EXT1: variants seen among roughly 807,000 people sequenced by gnomAD.
The protein encoded by EXT1 is exostosin-1.
Under a neutral mutation model 82.5 loss-of-function variants are expected in EXT1, and 20 were observed. The ratio of observed to expected loss-of-function variants is 0.24; its 90% CI spans 0.17 to 0.35. The LOEUF is 0.35. EXT1 is among the 10% of genes least tolerant of loss of function. EXT1 has a pLI of 1.00. For synonymous variants in EXT1, 348 were observed against 350.8 expected (o/e 0.99, Z 0.09); for missense variants, 757 against 936.5 (o/e 0.81, Z 2.50).
chr8:117,993,148 C>A (rs1184321541), intron 1 of EXT1, among the ~76,000 whole-genome samples: 1 of 152,148 alleles, frequency 6.6e-6, no homozygotes, highest in Non-Finnish European at 1.5e-5. Flanking sequence ...ACATTTCTTT[C>A]TTTTTCCTTC....
chr8:118,109,442 A>AATGC (rs66559930), intron 1 of EXT1, among the ~76,000 whole-genome samples: 33 of 150,444 alleles, frequency 2.2e-4, no homozygotes, highest in Non-Finnish European at 3.7e-4. Context: ...TGAATGAATG[A>AATGC]ATGCATGCAT....
chr8:117,843,783 T>C (rs1316585056), intron 1 of EXT1, among the ~76,000 whole-genome samples: 1 of 152,094 alleles, frequency 6.6e-6, no homozygotes, highest in African/African-American at 2.4e-5. Context: ...CAAAAACCCT[T>C]CCAATGCAGG....
chr8:118,019,893 C>A (rs527741179), intron 1 of EXT1, among the ~76,000 whole-genome samples: 1 of 152,266 alleles, frequency 6.6e-6, no homozygotes, highest in South Asian at 2.1e-4. Flanking sequence ...AATAACCAAG[C>A]AATAAACCCA....
At chr8:117,864,358 G>T (rs527244946) in intron 1 of EXT1, among the ~76,000 whole-genome samples, 1 of 152,104 alleles carries the variant, frequency 6.6e-6, no homozygotes, top group Admixed American at 6.5e-5. Flanking sequence ...CTAGACCAGG[G>T]TGTCCAATCT....
At chr8:117,873,690 A>G (rs1166777057) in intron 1 of EXT1, among the ~76,000 whole-genome samples, 2 of 152,144 alleles carry the variant, frequency 1.3e-5, no homozygotes, top group Non-Finnish European at 2.9e-5. Context: ...TCCTGGCCTC[A>G]TGTGATCTGC....
chr8:118,031,733 T>G (rs1369658377), intron 1 of EXT1, among the ~76,000 whole-genome samples: 1 of 151,870 alleles, frequency 6.6e-6, no homozygotes. Flanking sequence ...TTCATCTCCC[T>G]CCATACCTGC....
intron 1 of EXT1, among the ~76,000 whole-genome samples, chr8:118,043,840 A>G (rs1211513857): frequency 6.6e-6 from 1 of 152,234 alleles, no homozygotes; most frequent in Non-Finnish European, 1.5e-5. Flanking sequence ...ATGCCAAAAA[A>G]CAGGTAAAAG....
At chr8:117,911,685 C>G (rs1813650832) in intron 1 of EXT1, among the ~76,000 whole-genome samples, 3 of 152,170 alleles carry the variant, frequency 2.0e-5, no homozygotes, top group African/African-American at 7.2e-5. Context: ...TCTTCAACAC[C>G]TGGGTCTTCT....
intron 1 of EXT1, among the ~76,000 whole-genome samples, chr8:117,974,502 C>G (rs1397818560): frequency 6.6e-6 from 1 of 152,186 alleles, no homozygotes; most frequent in African/African-American, 2.4e-5. Context: ...GGATCTTGCT[C>G]TGTTGCCCAG....
intron 1 of EXT1, among the ~76,000 whole-genome samples, chr8:118,002,536 T>C (rs1212108504): frequency 1.1e-5 from 1 of 90,566 alleles, no homozygotes; most frequent in African/African-American, 5.3e-5. Context: ...TTCTTTTTTT[T>C]TTTTTTTTTT....
At chr8:118,051,164 C>T (rs1816710993) in intron 1 of EXT1, among the ~76,000 whole-genome samples, 1 of 151,994 alleles carries the variant, frequency 6.6e-6, no homozygotes, top group African/African-American at 2.4e-5. Flanking sequence ...GGCAAAACTC[C>T]ATCTCTACCA....
chr8:118,075,776 T>C (rs752072865), intron 1 of EXT1, among the ~76,000 whole-genome samples: 5 of 151,974 alleles, frequency 3.3e-5, no homozygotes, highest in Non-Finnish European at 7.4e-5. Flanking sequence ...GCATCTCACA[T>C]GGCAAGAGAA....
intron 8 of EXT1, among the ~76,000 whole-genome samples, chr8:117,809,245 T>TATATATATATGTATATATA (rs1563874289): frequency 1.2e-3 from 82 of 66,086 alleles, no homozygotes; most frequent in African/African-American, 2.9e-3. Context: ...ATATATATAT[T>TATATATATATGTATATATA]ATGTTCTATT....
intron 9 of EXT1, among the ~76,000 whole-genome samples, chr8:117,806,309 G>A (rs1823235551): frequency 6.6e-6 from 1 of 152,052 alleles, no homozygotes; most frequent in African/African-American, 2.4e-5. Context: ...CTCCTCCCCT[G>A]TCACTTAGAG....
intron 7 of EXT1, among the ~76,000 whole-genome samples, chr8:117,814,710 C>T (rs1022522587): frequency 5.9e-5 from 9 of 152,190 alleles, no homozygotes; most frequent in African/African-American, 1.7e-4. Context: ...TCTGAATTCA[C>T]ACCTGCCATC....
At chr8:118,061,027 G>A (rs938973254) in intron 1 of EXT1, among the ~76,000 whole-genome samples, 1 of 152,160 alleles carries the variant, frequency 6.6e-6, no homozygotes, top group Non-Finnish European at 1.5e-5. Flanking sequence ...CTGAAATGAG[G>A]AAGCATCACA....
intron 1 of EXT1, among the ~76,000 whole-genome samples, chr8:118,082,136 T>C (rs1348845000): frequency 6.6e-6 from 1 of 152,216 alleles, no homozygotes; most frequent in African/African-American, 2.4e-5. Flanking sequence ...AGAGAACTGA[T>C]GGCAACATGT....
At chr8:117,886,740 C>T (rs1157195049) in intron 1 of EXT1, among the ~76,000 whole-genome samples, 1 of 152,180 alleles carries the variant, frequency 6.6e-6, no homozygotes, top group Non-Finnish European at 1.5e-5. Flanking sequence ...ATGTTCAAGG[C>T]AATTATGTCC....
intron 1 of EXT1, among the ~76,000 whole-genome samples, chr8:118,039,036 G>A (rs1816478163): frequency 6.6e-6 from 1 of 152,164 alleles, no homozygotes; most frequent in Admixed American, 6.5e-5. Flanking sequence ...CAAGAAGAAT[G>A]TAGGTCCCCT....
Sources: gnomAD v4.1 joint callset for allele counts (sites outside exome capture counted in the v4.1 genomes callset) on GRCh38, gnomAD v4.1.1 for gene constraint, MANE v1.5 for transcripts, NCBI Gene and HGNC (gene_info 2026-07-23, HGNC 2026-07-21) for gene names.